Variants in LRRTM4 observed in about 807,000 individuals in gnomAD.
LRRTM4 encodes the protein leucine rich repeat transmembrane neuronal 4.
Under a neutral mutation model 47.6 loss-of-function variants are expected in LRRTM4, and 25 were observed. The ratio of observed to expected loss-of-function variants is 0.53; its 90% CI spans 0.38 to 0.73. The LOEUF is 0.73. LRRTM4 is among the 30% of genes least tolerant of loss of function. LRRTM4 has a pLI of 0.00. For missense variants in LRRTM4, 638 were observed against 713.4 expected (o/e 0.89, Z 1.20); for synonymous variants, 311 against 269.5 (o/e 1.15, Z -1.51).
chr2:77,250,177 A>G (rs1326384542), intron 3 of LRRTM4, among the ~76,000 whole-genome samples: 1 of 152,204 alleles, frequency 6.6e-6, no homozygotes, highest in East Asian at 1.9e-4. Flanking sequence ...GGAGGGAGGT[A>G]TACCATGGCA....
chr2:76,808,559 C>G (rs79100536), intron 3 of LRRTM4, among the ~76,000 whole-genome samples: 2 of 151,948 alleles, frequency 1.3e-5, no homozygotes, highest in Non-Finnish European at 2.9e-5. Context: ...TTTATTGATG[C>G]AAATATATAA....
chr2:76,787,791 GATTTT>G (rs1674759279), intron 3 of LRRTM4, among the ~76,000 whole-genome samples: 2 of 152,062 alleles, frequency 1.3e-5, no homozygotes, highest in Admixed American at 1.3e-4. Flanking sequence ...AGGTTCACTT[GATTTT>G]CTTTTCTGTC....
intron 3 of LRRTM4, among the ~76,000 whole-genome samples, chr2:77,384,949 C>A (rs1673205566): frequency 6.6e-6 from 1 of 152,014 alleles, no homozygotes; most frequent in South Asian, 2.1e-4. Context: ...AATATTCAAG[C>A]AGCAGGTATT....
intron 3 of LRRTM4, among the ~76,000 whole-genome samples, chr2:77,365,749 T>C (rs759786921): frequency 7.3e-5 from 11 of 151,376 alleles, no homozygotes; most frequent in Non-Finnish European, 1.3e-4. Context: ...GGATAAACAT[T>C]GGGTATGTTA....
intron 3 of LRRTM4, among the ~76,000 whole-genome samples, chr2:77,343,594 C>A (rs1421504180): frequency 6.6e-6 from 1 of 151,802 alleles, no homozygotes; most frequent in Non-Finnish European, 1.5e-5. Flanking sequence ...CAAAGGATAT[C>A]AATTATTATA....
At chr2:76,911,077 A>C (rs1674037111) in intron 3 of LRRTM4, among the ~76,000 whole-genome samples, 2 of 152,238 alleles carry the variant, frequency 1.3e-5, no homozygotes, top group South Asian at 4.1e-4. Flanking sequence ...ATTTTTACTT[A>C]GGTAATAATA....
intron 3 of LRRTM4, among the ~76,000 whole-genome samples, chr2:76,895,671 C>T (rs901571974): frequency 1.3e-5 from 2 of 152,012 alleles, no homozygotes; most frequent in Non-Finnish European, 2.9e-5. Flanking sequence ...ACTAAGACAA[C>T]AATCTGTGCC....
intron 3 of LRRTM4, among the ~76,000 whole-genome samples, chr2:77,160,534 C>G (rs1374569496): frequency 6.6e-6 from 1 of 151,988 alleles, no homozygotes; most frequent in Non-Finnish European, 1.5e-5. Context: ...CAGTCCTTTA[C>G]TGACAAGAGA....
intron 3 of LRRTM4, among the ~76,000 whole-genome samples, chr2:77,081,898 C>CAT (rs1680546225): frequency 6.6e-6 from 1 of 152,112 alleles, no homozygotes; most frequent in Admixed American, 6.5e-5. Context: ...TCTACCAAGA[C>CAT]ACATTTCATC....
At chr2:77,224,221 A>G (rs893683430) in intron 3 of LRRTM4, among the ~76,000 whole-genome samples, 1 of 151,988 alleles carries the variant, frequency 6.6e-6, no homozygotes, top group Admixed American at 6.6e-5. Context: ...AAGATGGATT[A>G]AAGACTTACA....
At chr2:76,971,348 T>C (rs1320002381) in intron 3 of LRRTM4, among the ~76,000 whole-genome samples, 1 of 152,040 alleles carries the variant, frequency 6.6e-6, no homozygotes, top group Non-Finnish European at 1.5e-5. Flanking sequence ...TACACTGAAG[T>C]TTGACAACCA....
chr2:76,849,703 T>C (rs1671936464), intron 3 of LRRTM4, among the ~76,000 whole-genome samples: 1 of 152,082 alleles, frequency 6.6e-6, no homozygotes, highest in African/African-American at 2.4e-5. Context: ...CAAGTCAAAA[T>C]TCCTTTAAAA....
intron 3 of LRRTM4, among the ~76,000 whole-genome samples, chr2:77,040,952 T>C (rs1267660644): frequency 6.6e-6 from 1 of 151,540 alleles, no homozygotes; most frequent in East Asian, 1.9e-4. Context: ...AAATCCTCTA[T>C]TGTAGCTATT....
chr2:77,090,674 C>A (rs557627012), intron 3 of LRRTM4, among the ~76,000 whole-genome samples: 2 of 152,266 alleles, frequency 1.3e-5, no homozygotes, highest in Admixed American at 6.5e-5. Flanking sequence ...ATCTGACCAC[C>A]AGGCCAAGGA....
At chr2:76,917,254 C>T (rs1674283214) in intron 3 of LRRTM4, among the ~76,000 whole-genome samples, 1 of 152,158 alleles carries the variant, frequency 6.6e-6, no homozygotes, top group Non-Finnish European at 1.5e-5. Context: ...GCAGATTTGA[C>T]TGGGCCTGTG....
intron 3 of LRRTM4, among the ~76,000 whole-genome samples, chr2:77,044,753 C>CA (rs765210700): frequency 1.8e-4 from 27 of 151,266 alleles, no homozygotes; most frequent in Non-Finnish European, 3.2e-4. Context: ...TATAGACAGA[C>CA]ATATATAAAT....
In LRRTM4 at chr2:77,084,954, T is replaced by C. The variant is rs370322955; in HGVS notation, c.1552-336038A>G. On this transcript the variant is annotated intron_variant, in intron 3 of 3. Transcript: ENST00000409884. ...CATAAGCAATTTTAAATTTCAAAAATCTATTGTAAATTCAAAGCTGTTACT... is the reference window on the plus strand; with the variant it reads ...CATAAGCAATTTTAAATTTCAAAAACCTATTGTAAATTCAAAGCTGTTACT... 1.4e-4 allele frequency among the ~76,000 whole-genome samples: 22 copies of C among 152,294 alleles called. No homozygotes were observed. In the East Asian group the frequency reaches 2.3e-3, roughly 16 times the overall value.
rs989246209 is a variant in LRRTM4, at chr2:77,246,339, A to T, written c.1551+271979T>A. Among the ~76,000 whole-genome samples, 4 of 152,204 alleles carry T rather than the reference A, an allele frequency of 2.6e-5. No homozygotes were observed. The South Asian group carries it at 8.3e-4, about 31-fold the overall frequency. On this transcript the variant is annotated intron_variant, in intron 3 of 3. Coordinates refer to ENST00000409884, the MANE Select transcript of LRRTM4 (RefSeq NM_001134745.3). ...AGCATGATGAAATTACTCAGAAGGC[A>T]TGGGTCCAATTCTGGTGACATTTCG...
At chr2:77,477,214 T>A (rs1008500176) in intron 3 of LRRTM4, among the ~76,000 whole-genome samples, 1 of 152,036 alleles carries the variant, frequency 6.6e-6, no homozygotes, top group Non-Finnish European at 1.5e-5. Flanking sequence ...TCATGTACGG[T>A]TGGATCAAGA....
Sources: allele counts gnomAD v4.1 joint callset (sites outside exome capture counted in the v4.1 genomes callset), GRCh38; gene constraint gnomAD v4.1.1; transcripts MANE v1.5; gene names NCBI Gene and HGNC (gene_info 2026-07-23, HGNC 2026-07-21).